The following PTPRD variants were observed in gnomAD, a reference collection of about 807,000 sequenced individuals.
The protein encoded by PTPRD is protein tyrosine phosphatase receptor type D.
A neutral mutation model predicts 214.5 loss-of-function variants in PTPRD; 34 were observed. The ratio of observed to expected loss-of-function variants is 0.16; its 90% confidence interval spans 0.12 to 0.21. The LOEUF is 0.21. Ranked by LOEUF, PTPRD falls within the 10% of genes least tolerant of loss-of-function variation. The pLI, the probability that PTPRD is intolerant of heterozygous loss-of-function variation, is 1.00. For synonymous variants in PTPRD, 1,128 were observed against 845.7 expected, an observed-to-expected ratio of 1.33 and a Z score of -5.79; for missense variants, 2,545 against 2,398.7, an observed-to-expected ratio of 1.06 and a Z score of -1.27.
intron 12 of PTPRD, among the ~76,000 whole-genome samples, chr9:8,659,047 C>T (rs116539341): frequency 6.5e-4 from 98 of 150,500 alleles, no homozygotes; most frequent in African/African-American, 2.3e-3. Flanking sequence ...TATTCTCATC[C>T]TTCAACAATG....
intron 2 of PTPRD, among the ~76,000 whole-genome samples, chr9:10,572,858 A>G (rs1448378664): frequency 2.0e-5 from 3 of 152,064 alleles, no homozygotes; most frequent in African/African-American, 7.2e-5. Context: ...AGCTCACTCC[A>G]ATTTGCCCCG....
chr9:9,566,398 G>C (rs2154296653), intron 8 of PTPRD, among the ~76,000 whole-genome samples: 1 of 152,072 alleles, frequency 6.6e-6, no homozygotes, highest in South Asian at 2.1e-4. Context: ...ATAAGCAATG[G>C]TGTTGTGGTC....
chr9:8,614,811 G>C (rs2095557785), intron 14 of PTPRD, among the ~76,000 whole-genome samples: 1 of 152,110 alleles, frequency 6.6e-6, no homozygotes, highest in East Asian at 1.9e-4. Context: ...CTACGACAGA[G>C]TTGGACAATT....
intron 3 of PTPRD, among the ~76,000 whole-genome samples, chr9:10,147,638 A>G (rs563481732): frequency 8.0e-4 from 122 of 152,244 alleles, no homozygotes; most frequent in Admixed American, 1.4e-3. Flanking sequence ...CCAGCACTTT[A>G]GGATGCCAAG....
At chr9:8,629,271 T>A (rs1204607911) in intron 14 of PTPRD, among the ~76,000 whole-genome samples, 13 of 151,842 alleles carry the variant, frequency 8.6e-5, no homozygotes, top group Admixed American at 8.6e-4. Flanking sequence ...AAGAAGCAAG[T>A]ACCCTTGGAC....
chr9:10,511,407 A>G (rs1490972578), intron 2 of PTPRD, among the ~76,000 whole-genome samples: 1 of 151,538 alleles, frequency 6.6e-6, no homozygotes, highest in Non-Finnish European at 1.5e-5. Context: ...ATTTCTCTTT[A>G]TTTATGTATT....
intron 2 of PTPRD, among the ~76,000 whole-genome samples, chr9:10,548,301 T>G (rs10959163): frequency 0.045 from 6,797 of 152,220 alleles, 171 homozygotes; most frequent in Middle Eastern, 0.11. Flanking sequence ...TTTCTCCTCC[T>G]AAGAATAAGG....
chr9:8,713,628 C>T, intron 12 of PTPRD: 2 of 1,536,634 alleles, frequency 1.3e-6, no homozygotes, highest in Non-Finnish European at 1.8e-6. Context: ...CGGGCGCTGT[C>T]ACCCAGTGCT....
chr9:10,033,581 T>A (rs1007168404), intron 4 of PTPRD, 137 bp downstream of exon 4: 4 of 152,108 alleles, frequency 2.6e-5, no homozygotes, highest in South Asian at 2.1e-4. Flanking sequence ...TAATTATTTT[T>A]AAAAAAGAAT....
intron 7 of PTPRD, among the ~76,000 whole-genome samples, chr9:9,578,995 C>A (rs2089926087): frequency 6.6e-6 from 1 of 152,028 alleles, no homozygotes; most frequent in South Asian, 2.1e-4. Context: ...TAAAACTGAG[C>A]TATAAGTATA....
chr9:8,949,575 G>A (rs1251650200), intron 11 of PTPRD, among the ~76,000 whole-genome samples: 2 of 152,042 alleles, frequency 1.3e-5, no homozygotes, highest in Non-Finnish European at 2.9e-5. Context: ...AAAGCAAAAC[G>A]TTTTGCTAAT....
chr9:9,673,337 C>T (rs575740060), intron 7 of PTPRD, among the ~76,000 whole-genome samples: 3 of 151,968 alleles, frequency 2.0e-5, no homozygotes, highest in South Asian at 2.1e-4. Context: ...ATACTGTTAA[C>T]TCAGAGAAAC....
At chr9:9,857,079 G>A (rs1266838592) in intron 5 of PTPRD, among the ~76,000 whole-genome samples, 12 of 152,098 alleles carry the variant, frequency 7.9e-5, no homozygotes, top group South Asian at 6.2e-4. Flanking sequence ...TGCGGGCCCC[G>A]GGGCAGCATA....
At chr9:10,519,963 A>C (rs750682170) in intron 2 of PTPRD, among the ~76,000 whole-genome samples, 12 of 152,110 alleles carry the variant, frequency 7.9e-5, no homozygotes, top group Non-Finnish European at 1.5e-5. Flanking sequence ...CTAATTACCA[A>C]AAACCACCTA....
chr9:10,473,959 C>G (rs2099047021), intron 2 of PTPRD, among the ~76,000 whole-genome samples: 1 of 151,960 alleles, frequency 6.6e-6, no homozygotes. Flanking sequence ...ACTACCAGGC[C>G]TGCTTTACAA....
At chr9:10,270,469 T>C (rs560644736) in intron 3 of PTPRD, among the ~76,000 whole-genome samples, 57 of 152,302 alleles carry the variant, frequency 3.7e-4, no homozygotes, top group Non-Finnish European at 4.7e-4. Context: ...CCTATAATTT[T>C]ACAAAGCAAT....
chr9:8,401,650 C>A (rs1236802999), intron 36 of PTPRD, among the ~76,000 whole-genome samples: 1 of 152,046 alleles, frequency 6.6e-6, no homozygotes, highest in East Asian at 1.9e-4. Context: ...CACACAATTC[C>A]TGATTCTTTT....
chr9:8,818,916 A>G (rs945952141), intron 11 of PTPRD, among the ~76,000 whole-genome samples: 4 of 152,216 alleles, frequency 2.6e-5, no homozygotes, highest in African/African-American at 9.6e-5. Context: ...TTCCCCGGTA[A>G]CATTTGGAAG....
At chr9:9,590,732 T>C (rs1243104105) in intron 7 of PTPRD, among the ~76,000 whole-genome samples, 1 of 152,050 alleles carries the variant, frequency 6.6e-6, no homozygotes, top group Non-Finnish European at 1.5e-5. Context: ...ATCTTAGGCA[T>C]ATTACATTCT....
Sources: gnomAD v4.1 joint callset for allele counts (sites outside exome capture counted in the v4.1 genomes callset) on GRCh38, gnomAD v4.1.1 for gene constraint, MANE v1.5 for transcripts, NCBI Gene and HGNC (gene_info 2026-07-23, HGNC 2026-07-21) for gene names.